Variants in MAOB observed in about 807,000 individuals in gnomAD.
MAOB encodes the protein amine oxidase [flavin-containing] B.
Under a neutral mutation model 41.9 loss-of-function variants are expected in MAOB, and 15 were observed. The observed-to-expected ratio is 0.36, with a 90% CI of 0.24 to 0.55. The LOEUF (loss-of-function observed/expected upper bound fraction) is 0.55, where lower values mean the gene tolerates loss of function less well. MAOB is among the 20% of genes least tolerant of loss of function. The pLI, the probability that MAOB is intolerant of heterozygous loss-of-function variation, is 0.86. For missense variants in MAOB, 345 were observed against 398.7 expected (o/e 0.87, Z 1.15); for synonymous variants, 167 against 144.2 (o/e 1.16, Z -1.13).
chrX:43,814,783 G>A (rs983081720), intron 3 of MAOB, among the ~76,000 whole-genome samples: 15 of 112,167 alleles, frequency 1.3e-4, no homozygotes, highest in African/African-American at 4.9e-4. Flanking sequence ...TAGATGACTG[G>A]ATAAACAGTA....
chrX:43,807,552 C>G (rs1242339959), intron 3 of MAOB, among the ~76,000 whole-genome samples: 1 of 112,492 alleles, frequency 8.9e-6, no homozygotes, highest in African/African-American at 3.2e-5. Flanking sequence ...GCCAGTCTCC[C>G]TGGGTTGAGT....
At chrX:43,853,772 G>T (rs1005806781) in intron 1 of MAOB, among the ~76,000 whole-genome samples, 1 of 111,187 alleles carries the variant, frequency 9.0e-6, no homozygotes, top group African/African-American at 3.3e-5. Flanking sequence ...ACTAAAGATC[G>T]CCAGCAAACC....
In MAOB at chrX:43,808,427, A is replaced by ATGTC. The variant is rs1443123801; in HGVS notation, c.280-5027_280-5024dup. Among the ~76,000 whole-genome samples the ATGTC allele has an allele frequency of 2.9e-4, 32 of 111,175 alleles. No individual in the cohort carries two copies. The Admixed American group carries it at 2.9e-3, about 10-fold the overall frequency. ...TGAGCCCAGCAGATGTGGTTAATTAATGTCTGTCTGTCACTGCCAGGGCCT... is the reference window on the plus strand; with the variant it reads ...TGAGCCCAGCAGATGTGGTTAATTAATGTCTGTCTGTCTGTCACTGCCAGGGCCT... On this transcript the variant is annotated intron_variant, in intron 3 of 14. Coordinates refer to ENST00000378069, the MANE Select transcript of MAOB (RefSeq NM_000898.5).
chrX:43,807,021 C>G (rs1011965588), intron 3 of MAOB, among the ~76,000 whole-genome samples: 5 of 111,686 alleles, frequency 4.5e-5, no homozygotes, highest in African/African-American at 1.6e-4. Flanking sequence ...TCCAAGAAGG[C>G]TTTCCTTTTA....
At chrX:43,834,327 G>T (rs1234263287) in intron 3 of MAOB, among the ~76,000 whole-genome samples, 2 of 111,631 alleles carry the variant, frequency 1.8e-5, no homozygotes, top group African/African-American at 3.3e-5. Flanking sequence ...ATAGGATCGG[G>T]GACAGGGGTG....
At chrX:43,850,302 T>C (rs2035241886) in intron 1 of MAOB, 1 of 722,361 alleles carries the variant, frequency 1.4e-6, no homozygotes, top group South Asian at 7.1e-5. Context: ...AAATTAACTT[T>C]CTTGGAAAGA....
intron 1 of MAOB, among the ~76,000 whole-genome samples, chrX:43,870,794 CAA>C (rs763016344): frequency 0.018 from 400 of 21,857 alleles, no homozygotes; most frequent in African/African-American, 0.071. Flanking sequence ...GACTCCACCT[CAA>C]AAAAAAAAAA....
chrX:43,851,783 G>C (rs1028137502), intron 1 of MAOB, among the ~76,000 whole-genome samples: 1 of 111,680 alleles, frequency 9.0e-6, no homozygotes, highest in Non-Finnish European at 1.9e-5. Context: ...AGGAAATCTA[G>C]AAAAAGAGGA....
chrX:43,789,753 G>A, intron 8 of MAOB, among the ~76,000 whole-genome samples: 1 of 111,945 alleles, frequency 8.9e-6, no homozygotes, highest in Non-Finnish European at 1.9e-5. Context: ...CAATCTAGAA[G>A]CAATCAGGTG....
chrX:43,791,751 C>T (rs1330208978), intron 8 of MAOB, among the ~76,000 whole-genome samples: 3 of 106,959 alleles, frequency 2.8e-5, no homozygotes, highest in Non-Finnish European at 5.7e-5. Flanking sequence ...AGCGAGACTC[C>T]GTCTCAAAAA....
intron 8 of MAOB, among the ~76,000 whole-genome samples, chrX:43,784,434 A>G (rs1056021943): frequency 8.9e-6 from 1 of 112,617 alleles, no homozygotes; most frequent in African/African-American, 3.2e-5. Context: ...CATGAAAACA[A>G]CAATAATCTC....
At chrX:43,816,663 C>T (rs2034817876) in intron 3 of MAOB, among the ~76,000 whole-genome samples, 1 of 112,276 alleles carries the variant, frequency 8.9e-6, no homozygotes, top group Non-Finnish European at 1.9e-5. Flanking sequence ...ACTGTAAAGA[C>T]ATCCATATCA....
intron 1 of MAOB, among the ~76,000 whole-genome samples, chrX:43,855,641 T>C (rs1356122443): frequency 8.9e-6 from 1 of 111,834 alleles, no homozygotes; most frequent in Non-Finnish European, 1.9e-5. Context: ...CTCTTGGAAG[T>C]CATAACACAA....
intron 3 of MAOB, chrX:43,837,767 T>C (rs2035088186): frequency 3.3e-6 from 1 of 307,108 alleles, no homozygotes; most frequent in Admixed American, 3.2e-5. Context: ...CCTGTGCTGC[T>C]TACTTCCACC....
intron 8 of MAOB, 96 bp downstream of exon 8, chrX:43,793,323 T>C: frequency 1.5e-6 from 1 of 650,963 alleles, no homozygotes; most frequent in Non-Finnish European, 2.3e-6. Context: ...TACCCCTGAA[T>C]CTAAAATAAA....
intron 1 of MAOB, among the ~76,000 whole-genome samples, chrX:43,848,304 T>C (rs900027168): frequency 1.3e-4 from 14 of 111,722 alleles, no homozygotes; most frequent in African/African-American, 3.6e-4. Flanking sequence ...ATATCAAAAT[T>C]TGATATTTAA....
chrX:43,820,121 C>A (rs896936189), intron 3 of MAOB, among the ~76,000 whole-genome samples: 1 of 112,170 alleles, frequency 8.9e-6, no homozygotes, highest in African/African-American at 3.2e-5. Flanking sequence ...TCCAATAAAT[C>A]TTAAACAAGT....
chrX:43,846,447 TA>T (rs1455643154), intron 1 of MAOB, among the ~76,000 whole-genome samples: 1 of 112,020 alleles, frequency 8.9e-6, no homozygotes, highest in Non-Finnish European at 1.9e-5. Flanking sequence ...AAAATATCTT[TA>T]AAAAGGGCAA....
At chrX:43,878,029 C>A (rs952509455) in intron 1 of MAOB, among the ~76,000 whole-genome samples, 2 of 112,177 alleles carry the variant, frequency 1.8e-5, no homozygotes, top group African/African-American at 6.5e-5. Flanking sequence ...AGTAAGGCAC[C>A]TATAAGCCAA....
Sources: gnomAD v4.1 joint callset for allele counts (sites outside exome capture counted in the v4.1 genomes callset) on GRCh38, gnomAD v4.1.1 for gene constraint, MANE v1.5 for transcripts, NCBI Gene and HGNC (gene_info 2026-07-23, HGNC 2026-07-21) for gene names.